The following SDC2 variants were observed in gnomAD, a reference collection of about 807,000 sequenced individuals.
SDC2 encodes syndecan 2.
SDC2 carries 13 observed loss-of-function variants against 22.2 expected under a neutral mutation model. That is an observed-to-expected ratio of 0.59 (90% CI 0.38 to 0.93). SDC2 has a LOEUF of 0.93. Ranked by LOEUF, SDC2 falls within the 40% of genes least tolerant of loss-of-function variation. The pLI is 0.00. For synonymous variants in SDC2, 94 were observed against 92.8 expected (o/e 1.01, Z -0.07); for missense variants, 235 against 246.8 (o/e 0.95, Z 0.32).
At chr8:96,498,336 C>T in intron 1 of SDC2, among the ~76,000 whole-genome samples, 1 of 152,158 alleles carries the variant, frequency 6.6e-6, no homozygotes, top group African/African-American at 2.4e-5. Flanking sequence ...CCAACCGGCC[C>T]CAGAATGCCC....
chr8:96,513,349 CTT>C (rs1813355482), intron 1 of SDC2, among the ~76,000 whole-genome samples: 1 of 152,152 alleles, frequency 6.6e-6, no homozygotes, highest in Admixed American at 6.5e-5. Flanking sequence ...TTAAGAGAGT[CTT>C]TGGGATGTGC....
chr8:96,524,666 G>T (rs114368400), intron 1 of SDC2, among the ~76,000 whole-genome samples: 1 of 152,148 alleles, frequency 6.6e-6, no homozygotes, highest in Non-Finnish European at 1.5e-5. Flanking sequence ...GGTGGCTGGC[G>T]TAATGAACCA....
At chr8:96,497,386 C>T (rs115047146) in intron 1 of SDC2, among the ~76,000 whole-genome samples, 3,722 of 152,160 alleles carry the variant, frequency 0.024, 149 homozygotes, top group African/African-American at 0.084. Context: ...AAGGAAAGAT[C>T]TTGAAAGATC....
At chr8:96,551,399 T>A (rs1022165965) in intron 1 of SDC2, among the ~76,000 whole-genome samples, 1 of 152,242 alleles carries the variant, frequency 6.6e-6, no homozygotes, top group South Asian at 2.1e-4. Flanking sequence ...ATACTGCCTG[T>A]TTACTATGTG....
chr8:96,530,711 T>C (rs1429871780), intron 1 of SDC2, among the ~76,000 whole-genome samples: 1 of 152,192 alleles, frequency 6.6e-6, no homozygotes, highest in Non-Finnish European at 1.5e-5. Flanking sequence ...GACCTTACAG[T>C]GTACCTTAAC....
At chr8:96,501,653 C>T (rs553993077) in intron 1 of SDC2, among the ~76,000 whole-genome samples, 1 of 151,978 alleles carries the variant, frequency 6.6e-6, no homozygotes, top group Non-Finnish European at 1.5e-5. Flanking sequence ...AATATAAATA[C>T]AGTAGACTAA....
At chr8:96,538,526 T>C (rs534171301) in intron 1 of SDC2, among the ~76,000 whole-genome samples, 181 of 149,994 alleles carry the variant, frequency 1.2e-3, no homozygotes, top group African/African-American at 4.1e-3. Context: ...TATTTTTTTT[T>C]CCAGTGTTTC....
rs144928395 is a variant in SDC2, at chr8:96,570,688, C to T, written c.61-22792C>T. ...AAATGCTCTAAGGGTGAAGTACACA[C>T]TGGAATTCAAACTTAGTATGAAAAA... On this transcript the variant is annotated intron_variant, in intron 1 of 4. Transcript: ENST00000302190. 1.3e-3 allele frequency among the ~76,000 whole-genome samples: 192 copies of T among 152,190 alleles called. 2 individuals carry two copies. The Middle Eastern group carries it at 0.014, about 11-fold the overall frequency.
At chr8:96,530,728 A>G (rs1813648027) in intron 1 of SDC2, among the ~76,000 whole-genome samples, 2 of 152,352 alleles carry the variant, frequency 1.3e-5, no homozygotes, top group South Asian at 4.1e-4. Context: ...TAACTTTCTG[A>G]GCATAGATAA....
At chr8:96,506,599 C>G (rs1813242646) in intron 1 of SDC2, among the ~76,000 whole-genome samples, 1 of 152,088 alleles carries the variant, frequency 6.6e-6, no homozygotes, top group South Asian at 2.1e-4. Flanking sequence ...ACCTCAGCCT[C>G]CTGAGTAGCT....
chr8:96,553,675 C>T (rs1001934482), intron 1 of SDC2, among the ~76,000 whole-genome samples: 8 of 152,112 alleles, frequency 5.3e-5, no homozygotes, highest in African/African-American at 1.9e-4. Context: ...CTTAAAGAAC[C>T]ACAAGTGTTA....
chr8:96,540,429 G>C (rs1266332446), intron 1 of SDC2, among the ~76,000 whole-genome samples: 1 of 150,206 alleles, frequency 6.7e-6, no homozygotes, highest in African/African-American at 2.4e-5. Flanking sequence ...AGGATCGCTT[G>C]AGCCTGGGAG....
At chr8:96,603,690 A>G (rs1431324033) in intron 3 of SDC2, among the ~76,000 whole-genome samples, 1 of 152,094 alleles carries the variant, frequency 6.6e-6, no homozygotes, top group Admixed American at 6.6e-5. Flanking sequence ...CCATCCTCCC[A>G]GTGCCTGTGA....
intron 1 of SDC2, among the ~76,000 whole-genome samples, chr8:96,517,352 A>C (rs1292725249): frequency 1.3e-5 from 2 of 152,216 alleles, no homozygotes; most frequent in Non-Finnish European, 2.9e-5. Context: ...CAAACTTATC[A>C]GTTTTTTTCT....
intron 3 of SDC2, among the ~76,000 whole-genome samples, chr8:96,606,294 CA>C (rs1298901508): frequency 9.2e-5 from 14 of 152,268 alleles, no homozygotes; most frequent in African/African-American, 3.4e-4. Context: ...GACAAGGTCT[CA>C]GTATGTTGCC....
intron 1 of SDC2, among the ~76,000 whole-genome samples, chr8:96,554,271 G>A (rs1384594659): frequency 6.6e-6 from 1 of 152,080 alleles, no homozygotes; most frequent in African/African-American, 2.4e-5. Context: ...ACGTATTTGA[G>A]TAGCCTGCCA....
At chr8:96,567,133 C>T (rs1034414642) in intron 1 of SDC2, among the ~76,000 whole-genome samples, 20 of 152,174 alleles carry the variant, frequency 1.3e-4, no homozygotes, top group African/African-American at 4.3e-4. Flanking sequence ...GGATTACAGG[C>T]GTGAGCCACT....
chr8:96,520,198 A>G (rs949081396), intron 1 of SDC2, among the ~76,000 whole-genome samples: 3 of 152,224 alleles, frequency 2.0e-5, no homozygotes, highest in African/African-American at 7.2e-5. Flanking sequence ...TTGAATCTAC[A>G]AATAGAATCC....
Position 96,519,402 on chromosome 8 carries a change from G to A in SDC2, c.60+25071G>A, listed in dbSNP as rs145281323. ...CCACGTTACAGAAATTTTTCAAAAT[G>A]TTTCAAAATGACATATTTAGTAGAG... is the stretch of plus-strand genomic sequence containing the variant. On this transcript the variant is annotated intron_variant, in intron 1 of 4. Transcript: ENST00000302190. Among the ~76,000 whole-genome samples, 140 of 152,204 alleles carry A rather than the reference G, an allele frequency of 9.2e-4. 1 individual carries two copies. The highest frequency in any genetic ancestry group is 3.1e-3 in the African/African-American group (130 of 41,536).
Sources: gnomAD v4.1 joint callset for allele counts (sites outside exome capture counted in the v4.1 genomes callset) on GRCh38, gnomAD v4.1.1 for gene constraint, MANE v1.5 for transcripts, NCBI Gene and HGNC (gene_info 2026-07-23, HGNC 2026-07-21) for gene names.